The following FCRL1 variants were observed in gnomAD, a reference collection of about 807,000 sequenced individuals.
FCRL1 encodes Fc receptor-like protein 1.
In FCRL1, 34 loss-of-function variants were observed where a neutral mutation model predicts 49.2. The ratio of observed to expected loss-of-function variants is 0.69; its 90% CI spans 0.53 to 0.92. The LOEUF is 0.92. Ranked by LOEUF, FCRL1 falls within the 40% of genes least tolerant of loss-of-function variation. FCRL1 has a pLI of 0.00. For missense variants in FCRL1, 524 were observed against 524.1 expected (o/e 1.00, Z 0.00); for synonymous variants, 218 against 201.6 (o/e 1.08, Z -0.69).
intron 1 of FCRL1, 64 bp from the exon 2 acceptor site, chr1:157,807,186 A>G (rs1653615561): frequency 7.0e-6 from 11 of 1,571,774 alleles, no homozygotes; most frequent in South Asian, 5.8e-5. Context: ...CAAAGTTTAA[A>G]TCCTTTGAGA....
chr1:157,805,574 C>A (rs1557908560), intron 2 of FCRL1, among the ~76,000 whole-genome samples: 1 of 152,150 alleles, frequency 6.6e-6, no homozygotes, highest in Non-Finnish European at 1.5e-5. Context: ...AGTAGCACAG[C>A]TCTTGGAGCT....
At chr1:157,812,133 G>C (rs1312632885) in intron 1 of FCRL1, among the ~76,000 whole-genome samples, 1 of 152,130 alleles carries the variant, frequency 6.6e-6, no homozygotes, top group Non-Finnish European at 1.5e-5. Context: ...TCACCCCTGG[G>C]GAAACACAGC....
At chr1:157,810,088 T>C (rs12749630) in intron 1 of FCRL1, among the ~76,000 whole-genome samples, 66,898 of 151,854 alleles carry the variant, frequency 0.44, 15,057 homozygotes, top group African/African-American at 0.53. Context: ...AAATTAAAAT[T>C]GACCCCTTGA....
chr1:157,800,198 G>T (rs1652214614), intron 6 of FCRL1, 113 bp from the exon 7 acceptor site: 7 of 926,542 alleles, frequency 7.6e-6, no homozygotes, highest in Non-Finnish European at 9.8e-6. Context: ...GATGCCCATT[G>T]TGGGTGCCAC....
At chr1:157,819,980 T>C in intron 1 of FCRL1, 27 bp downstream of exon 1, 1 of 1,613,884 alleles carries the variant, frequency 6.2e-7, no homozygotes, top group African/African-American at 1.3e-5. Flanking sequence ...TTGCATCCCA[T>C]GCCCTGCTCT....
chr1:157,811,300 G>T (rs1000636876), intron 1 of FCRL1, among the ~76,000 whole-genome samples: 3 of 152,122 alleles, frequency 2.0e-5, no homozygotes, highest in Non-Finnish European at 4.4e-5. Context: ...AGTACAGCAG[G>T]GGAATGGCAG....
intron 1 of FCRL1, among the ~76,000 whole-genome samples, chr1:157,815,478 C>T (rs761568816): frequency 1.3e-5 from 2 of 151,802 alleles, no homozygotes; most frequent in Non-Finnish European, 3.0e-5. Flanking sequence ...AAGTTTATAG[C>T]AGTGAATGCC....
chr1:157,802,365 A>G lies in FCRL1; in HGVS notation c.607+12T>C, dbSNP rs1477856256. On this transcript the variant is annotated intron_variant, in intron 4 of 10. Transcript: ENST00000368176. ...GTGACTGGCTGGCTGAACGAAGGGT[A>G]GTGGAACTTACTTCTGACAGTGATG... The G allele has an allele frequency of 1.2e-6, 2 of 1,612,826 alleles. No individual in the cohort carries two copies. The highest frequency in any genetic ancestry group is 1.7e-6 in the Non-Finnish European group (2 of 1,179,268).
intron 1 of FCRL1, among the ~76,000 whole-genome samples, chr1:157,809,923 C>T (rs1654056976): frequency 6.6e-6 from 1 of 151,862 alleles, no homozygotes; most frequent in Non-Finnish European, 1.5e-5. Context: ...GACCCTGACT[C>T]TAAAAAAATT....
chr1:157,807,168 C>A, intron 1 of FCRL1, 46 bp from the exon 2 acceptor site: 1 of 1,600,984 alleles, frequency 6.2e-7, no homozygotes, highest in Non-Finnish European at 8.5e-7. Flanking sequence ...GCAAATCCCA[C>A]AAATCTCCAA....
At position 157,798,224 on chromosome 1, in the gene FCRL1, G is replaced by A. The variant is rs76976163; in HGVS notation, c.1051C>T (p.Pro351Ser). ...DPLRSLPSPLPQEFTYLNSPT... is the reference protein window; with the variant it reads ...DPLRSLPSPLSQEFTYLNSPT... ...GAGTTGAGGTAGGTGAACTCTTGGG[G>A]TAGAGGGCTGGGAAGGCTCCTGCAA... Residue 351 changes from proline (P) to serine (S), a missense_variant, in exon 8 of 11, where the codon CCC becomes TCC. Pro to Ser is a moderately conservative substitution (Grantham distance 74). Transcript: ENST00000368176. The A allele has an allele frequency of 1.1e-5, 18 of 1,612,598 alleles. No homozygotes were observed. Among genetic ancestry groups the A allele is most frequent in the Non-Finnish European group, 1.5e-5 (18 of 1,179,358 alleles).
chr1:157,804,250 C>G (rs115665048), intron 2 of FCRL1, 139 bp from the exon 3 acceptor site: 47 of 977,278 alleles, frequency 4.8e-5, no homozygotes, highest in East Asian at 3.4e-4. Flanking sequence ...GTCTCCACCC[C>G]CCCCCCAGTG....
intron 1 of FCRL1, among the ~76,000 whole-genome samples, chr1:157,817,060 C>T (rs185473344): frequency 1.7e-4 from 26 of 151,706 alleles, no homozygotes; most frequent in African/African-American, 5.3e-4. Flanking sequence ...AGAATAAATA[C>T]TGTTAAAATG....
At chr1:157,803,757 CAGAGATAGAA>C in intron 3 of FCRL1, 78 bp downstream of exon 3, 1 of 1,486,010 alleles carries the variant, frequency 6.7e-7, no homozygotes, top group Non-Finnish European at 9.1e-7. Context: ...CCTACTCTTG[CAGAGATAGAA>C]CCCATAACAG....
At chr1:157,811,025 C>T (rs969541047) in intron 1 of FCRL1, among the ~76,000 whole-genome samples, 3 of 152,182 alleles carry the variant, frequency 2.0e-5, no homozygotes, top group Admixed American at 6.5e-5. Flanking sequence ...AAGCGATCCT[C>T]CCGCCTCAAC....
chr1:157,802,989 A>G (rs1652786817), intron 3 of FCRL1, among the ~76,000 whole-genome samples: 1 of 152,230 alleles, frequency 6.6e-6, no homozygotes, highest in Non-Finnish European at 1.5e-5. Flanking sequence ...TGTAAATCGA[A>G]CTGCCTTATT....
At chr1:157,811,614 A>G (rs1311517068) in intron 1 of FCRL1, among the ~76,000 whole-genome samples, 1 of 152,182 alleles carries the variant, frequency 6.6e-6, no homozygotes. Context: ...AAGAGCCCAT[A>G]CTGTGGCTCC....
chr1:157,807,848 G>A (rs1402151332), intron 1 of FCRL1, among the ~76,000 whole-genome samples: 2 of 152,172 alleles, frequency 1.3e-5, no homozygotes, highest in African/African-American at 2.4e-5. Context: ...TGGGAGAAAT[G>A]TTTCACCTCT....
At chr1:157,806,331 A>C (rs1468891290) in intron 2 of FCRL1, among the ~76,000 whole-genome samples, 1 of 152,218 alleles carries the variant, frequency 6.6e-6, no homozygotes, top group Non-Finnish European at 1.5e-5. Flanking sequence ...TTGCACTTGC[A>C]GCCGATGTTC....
Sources: gnomAD v4.1 joint callset for allele counts (sites outside exome capture counted in the v4.1 genomes callset) on GRCh38, gnomAD v4.1.1 for gene constraint, MANE v1.5 for transcripts, NCBI Gene and HGNC (gene_info 2026-07-23, HGNC 2026-07-21) for gene names.